CD109: variants seen among roughly 807,000 people sequenced by gnomAD.
CD109 encodes the protein CD109 molecule.
In CD109, 149 loss-of-function variants were observed where a neutral mutation model predicts 165.8. The ratio of observed to expected loss-of-function variants is 0.90; its 90% CI spans 0.79 to 1.03. The LOEUF (loss-of-function observed/expected upper bound fraction) is 1.03, where lower values mean the gene tolerates loss of function less well. Ranked by LOEUF, CD109 falls within the 50% of genes least tolerant of loss-of-function variation. The probability of loss-of-function intolerance (pLI) is 0.00; values close to 1 mark genes in which losing one functional copy is unlikely to be tolerated. For synonymous variants in CD109, 585 were observed against 592.1 expected, an observed-to-expected ratio of 0.99 and a Z score of 0.18; for missense variants, 1,712 against 1,677.8, an observed-to-expected ratio of 1.02 and a Z score of -0.36.
In CD109 at chr6:73,815,119, A is replaced by T; in HGVS notation, c.3907A>T (p.Thr1303Ser). 6.3e-7 allele frequency: 1 copy of T among 1,583,312 alleles called. No homozygotes were observed. The highest frequency in any genetic ancestry group is 2.3e-5 in the East Asian group (1 of 43,626). The part of the protein sequence containing the change: ...DLNHVDLNVC[T>S]SFSGPGRSGM... ...CAATCATGTGGATTTGAATGTGTGT[A>T]CAAGGTAAGTGTCTGCTTAGGTCTC... The change falls in exon 30 of 33, where the codon ACA becomes TCA. Residue 1303 changes from threonine to serine, a missense_variant. Physicochemically the swap from Thr to Ser is moderately conservative, Grantham distance 58. Coordinates refer to ENST00000287097, the MANE Select transcript of CD109 (RefSeq NM_133493.5).
At chr6:73,793,254 G>T (rs1310390429) in intron 23 of CD109, among the ~76,000 whole-genome samples, 1 of 152,186 alleles carries the variant, frequency 6.6e-6, no homozygotes, top group East Asian at 1.9e-4. Flanking sequence ...CAGACGCAGT[G>T]CCGTGTGGTG....
intron 24 of CD109, among the ~76,000 whole-genome samples, chr6:73,803,562 A>C (rs942312018): frequency 2.0e-5 from 3 of 151,950 alleles, no homozygotes; most frequent in African/African-American, 4.8e-5. Context: ...AGAAATAAAA[A>C]TACTTTATGA....
At chr6:73,748,785 TTAGACTC>T (rs1773077376) in intron 5 of CD109, among the ~76,000 whole-genome samples, 1 of 152,200 alleles carries the variant, frequency 6.6e-6, no homozygotes, top group Non-Finnish European at 1.5e-5. Flanking sequence ...CCACAGGTGT[TTAGACTC>T]TAAACAGGAA....
intron 24 of CD109, among the ~76,000 whole-genome samples, chr6:73,803,801 C>T (rs956560671): frequency 3.9e-5 from 6 of 152,140 alleles, no homozygotes; most frequent in African/African-American, 1.4e-4. Flanking sequence ...TGATTAATCT[C>T]TCTTCTTGTA....
chr6:73,763,495 G>A, intron 9 of CD109, 81 bp from the exon 10 acceptor site: 1 of 750,228 alleles, frequency 1.3e-6, no homozygotes, highest in East Asian at 2.6e-5. Context: ...TTTGCAATAG[G>A]TTAGATGGAG....
At chr6:73,745,522 G>A (rs1017299921) in intron 5 of CD109, among the ~76,000 whole-genome samples, 1 of 152,106 alleles carries the variant, frequency 6.6e-6, no homozygotes, top group East Asian at 1.9e-4. Flanking sequence ...TGGATGCCAC[G>A]GGATCACCTT....
intron 29 of CD109, 103 bp from the exon 30 acceptor site, chr6:73,814,877 AC>A (rs1207168305): frequency 1.5e-6 from 1 of 668,602 alleles, no homozygotes; most frequent in Non-Finnish European, 2.2e-6. Context: ...TAAAAATCTT[AC>A]TGGGTCCATC....
chr6:73,714,015 T>G (rs1282662179), intron 2 of CD109, among the ~76,000 whole-genome samples: 1 of 152,186 alleles, frequency 6.6e-6, no homozygotes, highest in Non-Finnish European at 1.5e-5. Flanking sequence ...CCTCCAGTTA[T>G]GGAGCTAGCA....
chr6:73,757,478 ATTC>A (rs1400349077), intron 6 of CD109, among the ~76,000 whole-genome samples: 2 of 152,212 alleles, frequency 1.3e-5, no homozygotes, highest in Admixed American at 6.5e-5. Flanking sequence ...GTCATGAAAT[ATTC>A]TTCTTCTTTT....
Position 73,762,975 on chromosome 6 carries a change from A to T in CD109, c.997+93A>T. The T allele has an allele frequency of 2.7e-6, 3 of 1,106,322 alleles. No homozygotes were observed. The South Asian group carries it at 5.3e-5, about 20-fold the overall frequency. The allele number at this position is 1,106,322 out of a possible 1,614,324, so 68.5% of individuals were successfully genotyped here. ...ACTGGCACTTTCATTTGGGAGCATC[A>T]TTGACTTTCTAAAGATGCTATTTAA... On this transcript the variant is annotated intron_variant, in intron 9 of 32. Transcript: ENST00000287097.
At chr6:73,752,940 CTG>C (rs1354276429) in intron 5 of CD109, among the ~76,000 whole-genome samples, 1 of 152,164 alleles carries the variant, frequency 6.6e-6, no homozygotes, top group Non-Finnish European at 1.5e-5. Flanking sequence ...TACGAAAAGA[CTG>C]TGTTTTTTTG....
At chr6:73,777,492 C>T (rs978679663) in intron 15 of CD109, among the ~76,000 whole-genome samples, 4 of 151,956 alleles carry the variant, frequency 2.6e-5, no homozygotes, top group Non-Finnish European at 5.9e-5. Context: ...TTGGCTGTTC[C>T]TATGTCCTGA....
At chr6:73,754,054 A>G (rs79960136) in intron 5 of CD109, among the ~76,000 whole-genome samples, 4,973 of 152,260 alleles carry the variant, frequency 0.033, 287 homozygotes, top group African/African-American at 0.11. Flanking sequence ...TATAGTCAGG[A>G]TATTATAGGA....
upstream of CD109, among the ~76,000 whole-genome samples, chr6:73,693,687 A>G (rs1319490334): frequency 1.3e-5 from 2 of 152,034 alleles, no homozygotes; most frequent in Non-Finnish European, 2.9e-5. Flanking sequence ...AGTAGCTTTT[A>G]TTACAGGTAT....
intron 17 of CD109, among the ~76,000 whole-genome samples, chr6:73,782,095 T>A (rs1300801625): frequency 6.6e-6 from 1 of 152,222 alleles, no homozygotes; most frequent in Non-Finnish European, 1.5e-5. Flanking sequence ...TATCCCTGAA[T>A]TCCCTGTTTC....
intron 5 of CD109, among the ~76,000 whole-genome samples, chr6:73,743,297 A>C (rs989250037): frequency 1.3e-5 from 2 of 152,196 alleles, no homozygotes; most frequent in African/African-American, 2.4e-5. Context: ...TCTCAATCTT[A>C]AGCCATTGTT....
chr6:73,817,531 C>T (rs943595422), intron 30 of CD109, among the ~76,000 whole-genome samples: 1 of 152,108 alleles, frequency 6.6e-6, no homozygotes. Flanking sequence ...CTCTAAAAAG[C>T]AAGATTTTTC....
chr6:73,693,890 T>TA (rs1770737535), upstream of CD109: 1 of 151,106 alleles, frequency 6.6e-6, no homozygotes, highest in African/African-American at 2.5e-5. Flanking sequence ...TCTTTTCTTT[T>TA]CTTTTTTTTT....
intron 6 of CD109, among the ~76,000 whole-genome samples, chr6:73,758,051 G>T (rs1163677970): frequency 1.3e-5 from 2 of 151,986 alleles, no homozygotes; most frequent in African/African-American, 4.8e-5. Context: ...GGTGGTGGGG[G>T]TTGCGGGGGC....
Sources: gnomAD v4.1 joint callset for allele counts (sites outside exome capture counted in the v4.1 genomes callset) on GRCh38, gnomAD v4.1.1 for gene constraint, MANE v1.5 for transcripts, NCBI Gene and HGNC (gene_info 2026-07-23, HGNC 2026-07-21) for gene names.